The following ARHGEF40 variants were observed in gnomAD, a reference collection of about 807,000 sequenced individuals.
ARHGEF40 encodes the protein Rho guanine nucleotide exchange factor 40.
A neutral mutation model predicts 165.9 loss-of-function variants in ARHGEF40; 98 were observed. That is an observed-to-expected ratio of 0.59 (90% confidence interval 0.50 to 0.70). ARHGEF40 has a LOEUF of 0.70. Among genes scored for constraint, ARHGEF40 ranks in the 30% least tolerant of loss-of-function variants. The pLI, the probability that ARHGEF40 is intolerant of heterozygous loss-of-function variation, is 0.00. For missense variants in ARHGEF40, 1,815 were observed against 1,968.0 expected (o/e 0.92, Z 1.47); for synonymous variants, 792 against 814.3 (o/e 0.97, Z 0.47).
chr14:21,074,575 G>A lies in ARHGEF40; in HGVS notation c.845G>A (p.Arg282His), dbSNP rs770987446. The change falls in exon 3 of 24, where the codon CGC becomes CAC. Residue 282 changes from arginine to histidine, a missense_variant. Transcript: ENST00000298694. The surrounding 1 kb of genome is among the most constrained non-coding windows in gnomAD (Gnocchi z 4.8). ...CGCAAGGGCGCTGGAGGGAAGGGCC[G>A]CCACCGGAGACACCGGGCGTGGATG... ...PTRKGAGGKG[R>H]HRRHRAWMHQ... 7 of 1,555,716 alleles carry A rather than the reference G, an allele frequency of 4.5e-6. No homozygotes were observed. The South Asian group carries it at 4.7e-5, about 11-fold the overall frequency.
chr14:21,081,430 G>C (rs1887882923), intron 13 of ARHGEF40, 79 bp from the exon 14 acceptor site: 1 of 1,556,040 alleles, frequency 6.4e-7, no homozygotes, highest in Non-Finnish European at 8.7e-7. Flanking sequence ...AGAGGACAAG[G>C]GCTGTCACTG....
At position 21,088,736 on chromosome 14, in the gene ARHGEF40, G is replaced by A. The variant is rs1006224035; in HGVS notation, c.4519-94G>A. ...TCAAGGATTTTGGGTAGGAAAGAGA[G>A]GTGAATTGACAGGCTTGTGGGGAGG... On this transcript the variant is annotated intron_variant, in intron 22 of 23. Transcript: ENST00000298694. The A allele has an allele frequency of 8.4e-6, 11 of 1,314,126 alleles. No homozygotes were observed. In the Admixed American group the frequency reaches 1.7e-4, roughly 20 times the overall value. 81.4% of individuals were successfully genotyped at this position (1,314,126 alleles called of 1,614,324 possible).
In ARHGEF40 at chr14:21,074,642, C is replaced by T. The variant is rs771149537; in HGVS notation, c.912C>T (p.Arg304=). ...GGCCTCGGGGCCAGGATGGAGCACG[C>T]CCACCCGGCGAGGGGAGCAGCACCG... ...GLGPRGQDGA[R]PPGEGSSTGA... The change falls in exon 3 of 24, where the codon CGC becomes CGT. Residue 304 remains arginine (R), a synonymous_variant. Coordinates refer to ENST00000298694, the MANE Select transcript of ARHGEF40 (RefSeq NM_018071.5). The surrounding 1 kb of genome is among the most constrained non-coding windows in gnomAD (Gnocchi z 4.8). The T allele has an allele frequency of 6.4e-7, 1 of 1,565,744 alleles. No individual in the cohort carries two copies. The highest frequency in any genetic ancestry group is 2.3e-5 in the East Asian group (1 of 42,738).
rs202155780 is a variant in ARHGEF40 at position 21,078,196 on chromosome 14, G to A, written c.2054G>A (p.Arg685His). The A allele has an allele frequency of 9.6e-5, 155 of 1,613,598 alleles. No individual in the cohort carries two copies. Among genetic ancestry groups the A allele is most frequent in the Middle Eastern group, 1.6e-4 (1 of 6,078 alleles). ...EIHQEVVRLCRLCQGVLGSVR... is the reference protein window; with the variant it reads ...EIHQEVVRLCHLCQGVLGSVR... ...TTTCAGGAAGTGGTAAGGCTATGTC[G>A]CCTGTGCCAAGGTGTGCTGGGCTCG... Residue 685 changes from arginine (R) to histidine (H), a missense_variant, in exon 9 of 24, where the codon CGC becomes CAC. By Grantham distance (29) the Arg-to-His change is conservative. Coordinates refer to ENST00000298694, the MANE Select transcript of ARHGEF40 (RefSeq NM_018071.5).
At position 21,075,095 on chromosome 14, in the gene ARHGEF40, G is replaced by A. The variant is rs757758133; in HGVS notation, c.1365G>A (p.Glu455=). The part of the protein sequence containing the change: ...PKELKTAGEK[E]PQLSEACGPT... ...AGCTCAAAACAGCAGGCGAGAAAGAGCCTCAGCTCTCTGAAGCCTGTGGGC... is the reference window on the plus strand; with the variant it reads ...AGCTCAAAACAGCAGGCGAGAAAGAACCTCAGCTCTCTGAAGCCTGTGGGC... Residue 455 remains glutamate, a synonymous_variant, in exon 3 of 24, where the codon GAG becomes GAA. Transcript: ENST00000298694. The surrounding 1 kb of genome is among the most constrained non-coding windows in gnomAD (Gnocchi z 4.5). The A allele has an allele frequency of 6.2e-7, 1 of 1,614,066 alleles. No homozygotes were observed. Among genetic ancestry groups the A allele is most frequent in the Admixed American group, 1.7e-5 (1 of 60,026 alleles).
At chr14:21,088,516 A>C (rs79208634) in intron 22 of ARHGEF40, among the ~76,000 whole-genome samples, 2 of 16,104 alleles carry the variant, frequency 1.2e-4, no homozygotes, top group Non-Finnish European at 6.2e-4. Flanking sequence ...CCATCTCTAC[A>C]AAAAAAAAAA....
upstream of ARHGEF40, among the ~76,000 whole-genome samples, chr14:21,069,469 G>C (rs928924250): frequency 3.3e-5 from 5 of 152,244 alleles, no homozygotes; most frequent in Non-Finnish European, 7.3e-5. Flanking sequence ...CGAATAGAGA[G>C]GTAGGGATGC....
intron 18 of ARHGEF40, 24 bp from the exon 19 acceptor site, chr14:21,085,665 C>G: frequency 6.2e-7 from 1 of 1,608,724 alleles, no homozygotes; most frequent in Non-Finnish European, 8.5e-7. Flanking sequence ...CTGTCTTCAC[C>G]CGCTGCCCTC....
chr14:21,078,165 T>C lies in ARHGEF40; in HGVS notation c.2035-12T>C. 6.2e-7 allele frequency: 1 copy of C among 1,607,752 alleles called. No homozygotes were observed. Among genetic ancestry groups the C allele is most frequent in the Non-Finnish European group, 8.5e-7 (1 of 1,176,694 alleles). ...TCTGATCCTCAACTCCATCCCTGCA[T>C]GTGGGTTTCAGGAAGTGGTAAGGCT... is the stretch of plus-strand genomic sequence containing the variant. On this transcript the variant is annotated splice_polypyrimidine_tract_variant and intron_variant, in intron 8 of 23. Coordinates refer to ENST00000298694, the MANE Select transcript of ARHGEF40 (RefSeq NM_018071.5).
rs546562960 is a variant in ARHGEF40, at chr14:21,070,911, C to T, written c.3+512C>T. On this transcript the variant is annotated intron_variant, in intron 1 of 23. Transcript: ENST00000298694. The surrounding 1 kb of genome is among the most constrained non-coding windows in gnomAD (Gnocchi z 4.7). ...TCCGGCCCTAGGGGACTGGCCACAGCTGTGGCTGGGCCGGGTCCCGGGGCA... is the reference window on the plus strand; with the variant it reads ...TCCGGCCCTAGGGGACTGGCCACAGTTGTGGCTGGGCCGGGTCCCGGGGCA... 2.9e-5 allele frequency: 44 copies of T among 1,516,566 alleles called. No individual in the cohort carries two copies. Among genetic ancestry groups the T allele is most frequent in the Non-Finnish European group, 3.8e-5 (43 of 1,130,026 alleles). 93.9% of individuals were successfully genotyped at this position (1,516,566 alleles called of 1,614,324 possible). A position where few individuals can be genotyped will look rare whatever the true frequency, so the allele number is the denominator to read the frequency against.
rs1291756202 is a variant in ARHGEF40, at chr14:21,070,969, G to C, written c.3+570G>C. 1 of 1,121,780 alleles carries C rather than the reference G, an allele frequency of 8.9e-7. No homozygotes were observed. Among genetic ancestry groups the C allele is most frequent in the Non-Finnish European group, 1.3e-6 (1 of 775,122 alleles). The allele number at this position is 1,121,780 out of a possible 1,614,324, so 69.5% of individuals were successfully genotyped here. On this transcript the variant is annotated intron_variant, in intron 1 of 23. Transcript: ENST00000298694. This position sits in a 1 kb window ranked among gnomAD's most constrained non-coding sequence, Gnocchi z 4.7. ...AGAGGGAAATTCCCGCAGAGAAAAAGAGCTGCCTCAGGATAGTTGGGGGTG... is the reference window on the plus strand; with the variant it reads ...AGAGGGAAATTCCCGCAGAGAAAAACAGCTGCCTCAGGATAGTTGGGGGTG...
upstream of ARHGEF40, chr14:21,070,286 C>T (rs974883530): frequency 7.0e-6 from 8 of 1,149,548 alleles, no homozygotes; most frequent in Non-Finnish European, 8.7e-6. This position sits in a 1 kb window ranked among gnomAD's most constrained non-coding sequence, Gnocchi z 4.7. Context: ...CCACCGCGGC[C>T]GGAGCTGTCC....
chr14:21,067,304 G>A (rs896609999), upstream of ARHGEF40, among the ~76,000 whole-genome samples: 3 of 151,510 alleles, frequency 2.0e-5, no homozygotes, highest in African/African-American at 7.3e-5. Flanking sequence ...TCTGACCCAC[G>A]GGGACATATC....
chr14:21,076,269 T>C, intron 5 of ARHGEF40, 91 bp from the exon 6 acceptor site: 1 of 1,104,654 alleles, frequency 9.1e-7, no homozygotes, highest in South Asian at 1.4e-5. Flanking sequence ...GACTATTAAC[T>C]AAAAACAGAC....
At chr14:21,085,080 G>C (rs1888235488) in intron 18 of ARHGEF40, among the ~76,000 whole-genome samples, 157 bp downstream of exon 18, 1 of 152,154 alleles carries the variant, frequency 6.6e-6, no homozygotes, top group Non-Finnish European at 1.5e-5. Flanking sequence ...GGGTGTCAGG[G>C]GATGTTAGAA....
rs749219606 is a variant in ARHGEF40 at position 21,078,260 on chromosome 14, G to A, written c.2118G>A (p.Glu706=). 6.2e-7 allele frequency: 1 copy of A among 1,613,938 alleles called. No homozygotes were observed. The highest frequency in any genetic ancestry group is 1.1e-5 in the South Asian group (1 of 91,068). ...QAIEELEGAA[E]PEEEEAVGMP... ...TTGAGGAGCTGGAGGGAGCAGCAGA[G>A]CCAGAGGAAGAGGTATGAAATGAGA... Residue 706 remains glutamate (E), a synonymous_variant, in exon 9 of 24, where the codon GAG becomes GAA. Transcript: ENST00000298694.
At chr14:21,085,477 T>A (rs1437560910) in intron 18 of ARHGEF40, among the ~76,000 whole-genome samples, 1 of 152,262 alleles carries the variant, frequency 6.6e-6, no homozygotes, top group Non-Finnish European at 1.5e-5. Context: ...GAAGCCTTTG[T>A]GGAAGTTGCT....
chr14:21,084,604 TG>T, intron 17 of ARHGEF40, 148 bp from the exon 18 acceptor site: 1 of 811,738 alleles, frequency 1.2e-6, no homozygotes, highest in Non-Finnish European at 1.9e-6. Flanking sequence ...GACCAGTTGA[TG>T]GACCCTAGGC....
upstream of ARHGEF40, among the ~76,000 whole-genome samples, chr14:21,069,766 T>G (rs1566516520): frequency 6.6e-6 from 1 of 152,078 alleles, no homozygotes; most frequent in South Asian, 2.1e-4. Flanking sequence ...CTCCGCTCTC[T>G]GCTAGGCAGG....
Sources: gnomAD v4.1 joint callset for allele counts (sites outside exome capture counted in the v4.1 genomes callset) on GRCh38, gnomAD v4.1.1 for gene constraint, Gnocchi (gnomAD v3.1) non-coding constraint, MANE v1.5 for transcripts, NCBI Gene and HGNC (gene_info 2026-07-23, HGNC 2026-07-21) for gene names.